MEP1A: variants seen among roughly 807,000 people sequenced by gnomAD.
MEP1A encodes N-benzoyl-L-tyrosyl-P-amino-benzoic acid hydrolase subunit alpha.
In MEP1A, 68 loss-of-function variants were observed where a neutral mutation model predicts 84.5. That is an observed-to-expected ratio of 0.80 (90% CI 0.66 to 0.98). The LOEUF is 0.98. Among genes scored for constraint, MEP1A ranks in the 50% least tolerant of loss-of-function variants. The pLI, the probability that MEP1A is intolerant of heterozygous loss-of-function variation, is 0.00. For missense variants in MEP1A, 887 were observed against 919.9 expected (o/e 0.96, Z 0.46); for synonymous variants, 337 against 336.8 (o/e 1.00, Z -0.01).
At chr6:46,795,835 G>T (rs528161471) in intron 3 of MEP1A, among the ~76,000 whole-genome samples, 1 of 152,202 alleles carries the variant, frequency 6.6e-6, no homozygotes, top group South Asian at 2.1e-4. Context: ...TCAACATAAA[G>T]TAAAGGCCCT....
chr6:46,818,918 G>A (rs1767701789), intron 6 of MEP1A, among the ~76,000 whole-genome samples: 1 of 152,132 alleles, frequency 6.6e-6, no homozygotes, highest in Non-Finnish European at 1.5e-5. Context: ...TTGAGCCCAG[G>A]AGTTTGAGAC....
intron 9 of MEP1A, among the ~76,000 whole-genome samples, chr6:46,828,973 G>A (rs1214105992): frequency 2.6e-5 from 4 of 152,054 alleles, no homozygotes; most frequent in African/African-American, 9.7e-5. Flanking sequence ...ACAACAACCA[G>A]ACCAACCCAA....
chr6:46,829,517 A>G lies in MEP1A; in HGVS notation c.1090A>G (p.Arg364Gly), dbSNP rs1336984120. Residue 364 changes from arginine (R) to glycine (G), a missense_variant, in exon 10 of 14, where the codon AGG (arginine) becomes GGG (glycine). Physicochemically the swap from Arg to Gly is moderately radical, Grantham distance 125 (BLOSUM62 -2). Transcript: ENST00000230588. ...AGACAGACTCGTTGTCTGGGTCAGG[A>G]GGGATGACAGCACAGGCAATGTTCG... ...PSDRLVVWVRRDDSTGNVRKL... is the reference protein window; with the variant it reads ...PSDRLVVWVRGDDSTGNVRKL... The G allele has an allele frequency of 6.2e-7, 1 of 1,614,176 alleles. No homozygotes were observed.
At chr6:46,820,721 A>G (rs994743127) in intron 7 of MEP1A, among the ~76,000 whole-genome samples, 10 of 152,244 alleles carry the variant, frequency 6.6e-5, no homozygotes, top group African/African-American at 2.4e-4. Flanking sequence ...GAGACAATGA[A>G]GTAGAGTGCT....
intron 3 of MEP1A, among the ~76,000 whole-genome samples, chr6:46,795,297 C>CTCTTT (rs1186044039): frequency 6.6e-6 from 1 of 152,136 alleles, no homozygotes; most frequent in East Asian, 1.9e-4. Flanking sequence ...TTTCTTTTTT[C>CTCTTT]TCTTTTCTTT....
Position 46,819,663 on chromosome 6 carries a change from G to A in MEP1A, c.515G>A (p.Arg172Gln), listed in dbSNP as rs766690241. Residue 172 changes from arginine to glutamine, a missense_variant, in exon 7 of 14, where the codon CGG (arginine) becomes CAG (glutamine). Arg to Gln is a conservative substitution (Grantham distance 43). Transcript: ENST00000230588. Reference sequence around the variant, plus strand: ...TACCACGAGCAGTCAAGGACGGACCGGGATGATTATGTGAACATCTGGTGG... The same window carrying A: ...TACCACGAGCAGTCAAGGACGGACCAGGATGATTATGTGAACATCTGGTGG... ...GFYHEQSRTD[R>Q]DDYVNIWWDQ... 4.3e-6 allele frequency: 7 copies of A among 1,613,914 alleles called. No homozygotes were observed. The highest frequency in any genetic ancestry group is 2.5e-6 in the Non-Finnish European group (3 of 1,179,972).
chr6:46,807,806 AG>A (rs1767392938), intron 5 of MEP1A, among the ~76,000 whole-genome samples: 2 of 148,678 alleles, frequency 1.3e-5, no homozygotes, highest in South Asian at 4.3e-4. Context: ...AAAGAAAGAA[AG>A]AAAGAAAGAA....
At position 46,829,572 on chromosome 6, in the gene MEP1A, G is replaced by C. The variant is rs1185702475; in HGVS notation, c.1144+1G>C. The stretch of plus-strand genomic sequence containing the variant: ...TTGGTGAAGGTGCAGACTTTTCAAG[G>C]TACTTAGAGGCATTCACACGAGGAA... On this transcript the variant is annotated splice_donor_variant, in intron 10 of 13. Transcript: ENST00000230588. LOFTEE classifies it high-confidence loss of function. 6.2e-6 allele frequency: 10 copies of C among 1,610,252 alleles called. No homozygotes were observed. Among genetic ancestry groups the C allele is most frequent in the African/African-American group, 1.3e-5 (1 of 74,850 alleles).
intron 11 of MEP1A, among the ~76,000 whole-genome samples, chr6:46,834,062 C>G (rs1258764583): frequency 6.6e-6 from 1 of 151,696 alleles, no homozygotes; most frequent in Admixed American, 6.6e-5. Context: ...CTGCAACCTC[C>G]ACCTCCCAGG....
At position 46,824,137 on chromosome 6, in the gene MEP1A, G is replaced by A. The variant is rs562890628; in HGVS notation, c.557-1135G>A. On this transcript the variant is annotated intron_variant, in intron 7 of 13. Transcript: ENST00000230588. ...GTATGAGGTACTTGGCTGTTAGAAC[G>A]ATGTGTCTTGAACATAATTGATTGT... Among the ~76,000 whole-genome samples, 5 of 152,206 alleles carry A rather than the reference G, an allele frequency of 3.3e-5. No homozygotes were observed. In the South Asian group the frequency reaches 8.3e-4, roughly 25 times the overall value.
chr6:46,807,529 A>AAAGAAAGG lies in MEP1A; in HGVS notation c.263-1884_263-1883insGAAGAAAG, dbSNP rs1767358402. 9.0e-5 allele frequency among the ~76,000 whole-genome samples: 3 copies of AAAGAAAGG among 33,370 alleles called. 1 individual carries two copies. The highest frequency in any genetic ancestry group is 8.1e-4 in the Admixed American group (2 of 2,470). 21.9% of individuals were successfully genotyped at this position (33,370 alleles called of 152,430 possible). On this transcript the variant is annotated intron_variant, in intron 5 of 13. Transcript: ENST00000230588. ...ATCTGAAATAAAGAAAGAAAGAAAGAAAGAAAGAAAGAAAGAAAGAAAGAA... is the reference window on the plus strand; with the variant it reads ...ATCTGAAATAAAGAAAGAAAGAAAGAAAGAAAGGAAGAAAGAAAGAAAGAAAGAAAGAA...
At chr6:46,797,292 G>C (rs558234638) in intron 3 of MEP1A, among the ~76,000 whole-genome samples, 1 of 152,330 alleles carries the variant, frequency 6.6e-6, no homozygotes, top group South Asian at 2.1e-4. Flanking sequence ...TCTGTCTGAA[G>C]TTGTTGCATT....
rs1766978962 is a variant in MEP1A at position 46,793,574 on chromosome 6, A to G, written c.92A>G (p.Asn31Ser). 6.5e-7 allele frequency: 1 copy of G among 1,549,854 alleles called. No homozygotes were observed. Among genetic ancestry groups the G allele is most frequent in the Admixed American group, 1.8e-5 (1 of 55,896 alleles). Residue 31 changes from asparagine to serine, a missense_variant and splice_region_variant, in exon 2 of 14, where the codon AAT (asparagine) becomes AGT (serine). Physicochemically the swap from Asn to Ser is conservative, Grantham distance 46 (BLOSUM62 1). Coordinates refer to ENST00000230588, the MANE Select transcript of MEP1A (RefSeq NM_005588.3). ...CAGATTAAGTATCTTCCTGAAGAAA[A>G]TGGTAAGAATTAGTTCAAATGCACA... ...AVPIKYLPEE[N>S]VHDADFGEQK...
chr6:46,797,920 TTCCTTCCTTCTTTCC>T lies in MEP1A; in HGVS notation c.146-684_146-670del, dbSNP rs1562102785. The stretch of plus-strand genomic sequence containing the variant: ...CTTCCTTCCTTCCTTCCTTCCTTCC[TTCCTTCCTTCTTTCC>T]TTCCTTCCTTCCTTCCTTCCTTCCT... On this transcript the variant is annotated intron_variant, in intron 3 of 13. Transcript: ENST00000230588. Among the ~76,000 whole-genome samples the T allele has an allele frequency of 5.6e-3, 254 of 45,016 alleles. 3 individuals carry two copies. The East Asian group carries it at 0.13, about 23-fold the overall frequency. The allele number at this position is 45,016 out of a possible 152,430, so 29.5% of individuals were successfully genotyped here.
intron 6 of MEP1A, among the ~76,000 whole-genome samples, chr6:46,811,110 G>A (rs893598675): frequency 5.3e-5 from 8 of 151,996 alleles, no homozygotes; most frequent in African/African-American, 1.2e-4. Context: ...GCAAGGGATA[G>A]CTTTCCATTT....
Position 46,835,564 on chromosome 6 carries a change from T to C in MEP1A, c.2084+15T>C, listed in dbSNP as rs369736549. On this transcript the variant is annotated intron_variant, in intron 13 of 13. Coordinates refer to ENST00000230588, the MANE Select transcript of MEP1A (RefSeq NM_005588.3). The stretch of plus-strand genomic sequence containing the variant: ...GCGAGCTGCAGGTAGGCTCTGTGGC[T>C]GGGGAGACAGGCAGGCCAGCAGACC... The C allele has an allele frequency of 6.6e-5, 107 of 1,612,236 alleles. No homozygotes were observed. The highest frequency in any genetic ancestry group is 7.9e-5 in the Non-Finnish European group (93 of 1,179,318).
At chr6:46,826,111 T>G (rs1263195491) in intron 8 of MEP1A, among the ~76,000 whole-genome samples, 2 of 152,166 alleles carry the variant, frequency 1.3e-5, no homozygotes, top group Non-Finnish European at 2.9e-5. Flanking sequence ...TGGTTGGTAT[T>G]TACATGGCAG....
intron 7 of MEP1A, among the ~76,000 whole-genome samples, chr6:46,822,431 A>G (rs1767801692): frequency 6.6e-6 from 1 of 152,192 alleles, no homozygotes; most frequent in South Asian, 2.1e-4. Flanking sequence ...ACTAGGCCCA[A>G]CAAAAACATG....
At chr6:46,806,312 C>T (rs561361534) in intron 5 of MEP1A, among the ~76,000 whole-genome samples, 171 of 152,060 alleles carry the variant, frequency 1.1e-3, no homozygotes, top group Admixed American at 4.0e-3. Context: ...AGTGATTATG[C>T]GTGTTTTCAT....
Sources: allele counts gnomAD v4.1 joint callset (sites outside exome capture counted in the v4.1 genomes callset), GRCh38; gene constraint gnomAD v4.1.1; transcripts MANE v1.5; gene names NCBI Gene and HGNC (gene_info 2026-07-23, HGNC 2026-07-21).